The following MUSK variants were observed in gnomAD, a reference collection of about 807,000 sequenced individuals.
MUSK encodes muscle associated receptor tyrosine kinase.
A neutral mutation model predicts 88.7 loss-of-function variants in MUSK; 55 were observed. The observed-to-expected ratio is 0.62, with a 90% CI of 0.50 to 0.78. The LOEUF is 0.78. Among genes scored for constraint, MUSK ranks in the 30% least tolerant of loss-of-function variants. The pLI is 0.00. For synonymous variants in MUSK, 387 were observed against 391.9 expected, an observed-to-expected ratio of 0.99 and a Z score of 0.15; for missense variants, 1,015 against 1,074.3, an observed-to-expected ratio of 0.94 and a Z score of 0.77.
At chr9:110,730,444 A>C (rs540683568) in intron 5 of MUSK, among the ~76,000 whole-genome samples, 2 of 152,222 alleles carry the variant, frequency 1.3e-5, no homozygotes, top group African/African-American at 4.8e-5. Flanking sequence ...ACACTTTTAT[A>C]TTCTTTTATG....
chr9:110,777,231 T>TA (rs972397447), intron 11 of MUSK, among the ~76,000 whole-genome samples: 2 of 152,156 alleles, frequency 1.3e-5, no homozygotes, highest in African/African-American at 4.8e-5. Flanking sequence ...TTGTATCAGA[T>TA]AGTGCTTTAA....
chr9:110,689,695 A>AT (rs2076271181), intron 3 of MUSK, among the ~76,000 whole-genome samples: 1 of 48,132 alleles, frequency 2.1e-5, no homozygotes, highest in Non-Finnish European at 3.3e-5. Context: ...ATATATAGTT[A>AT]TATATAAATA....
At position 110,689,343 on chromosome 9, in the gene MUSK, T is replaced by C. The variant is rs2076252896; in HGVS notation, c.358+2075T>C. Among the ~76,000 whole-genome samples the C allele has an allele frequency of 4.3e-5, 5 of 117,532 alleles. 2 individuals carry two copies. The South Asian group carries it at 1.2e-3, about 29-fold the overall frequency. The allele number at this position is 117,532 out of a possible 152,430, so 77.1% of individuals were successfully genotyped here. A position where few individuals can be genotyped will look rare whatever the true frequency, so the allele number is the denominator to read the frequency against. Reference sequence around the variant, plus strand: ...TATTAAATATATATTTAAATATAAATATATAAATATATATAAATACATATT... The same window carrying C: ...TATTAAATATATATTTAAATATAAACATATAAATATATATAAATACATATT... On this transcript the variant is annotated intron_variant, in intron 3 of 14. Transcript: ENST00000374448.
intron 5 of MUSK, among the ~76,000 whole-genome samples, chr9:110,733,745 A>G (rs2076993388): frequency 6.6e-6 from 1 of 152,080 alleles, no homozygotes; most frequent in African/African-American, 2.4e-5. Context: ...CAGTCAACGA[A>G]AGGCAAGGCT....
intron 5 of MUSK, among the ~76,000 whole-genome samples, chr9:110,713,602 T>A (rs966735725): frequency 6.6e-6 from 1 of 152,106 alleles, no homozygotes; most frequent in Admixed American, 6.5e-5. Flanking sequence ...CCTAACATCC[T>A]GACAATGTGG....
chr9:110,761,955 T>C, intron 7 of MUSK: 1 of 982,218 alleles, frequency 1.0e-6, no homozygotes, highest in Non-Finnish European at 1.2e-6. Context: ...TGGTGGATGT[T>C]ACCCATGATT....
At chr9:110,752,730 G>C (rs1031726028) in intron 7 of MUSK, among the ~76,000 whole-genome samples, 1 of 152,178 alleles carries the variant, frequency 6.6e-6, no homozygotes, top group African/African-American at 2.4e-5. Flanking sequence ...TTAGGATTAT[G>C]TCTAATGATA....
chr9:110,742,062 T>C (rs73655613), intron 6 of MUSK, among the ~76,000 whole-genome samples: 2,296 of 152,270 alleles, frequency 0.015, 55 homozygotes, highest in African/African-American at 0.053. Context: ...TCAAGTGTCA[T>C]TTAAAATTTG....
At chr9:110,683,822 G>C (rs1476438890) in intron 2 of MUSK, among the ~76,000 whole-genome samples, 2 of 151,818 alleles carry the variant, frequency 1.3e-5, no homozygotes, top group African/African-American at 4.8e-5. Context: ...ATTTTTGATT[G>C]GATTAATATA....
At chr9:110,779,175 G>C (rs1367929934) in intron 11 of MUSK, among the ~76,000 whole-genome samples, 1 of 151,922 alleles carries the variant, frequency 6.6e-6, no homozygotes, top group East Asian at 1.9e-4. Context: ...TAGAAAATTG[G>C]AGTTTAAAGT....
chr9:110,728,659 T>C (rs1359589430), intron 5 of MUSK: 8 of 1,429,590 alleles, frequency 5.6e-6, no homozygotes, highest in Admixed American at 1.7e-5. Context: ...TTATTGTGTG[T>C]GTTTGTTTTG....
intron 5 of MUSK, among the ~76,000 whole-genome samples, chr9:110,730,608 T>G (rs1000136888): frequency 2.0e-5 from 3 of 152,096 alleles, no homozygotes; most frequent in Admixed American, 6.6e-5. Flanking sequence ...CCAAGTTTGT[T>G]ATTGCCGGTG....
At chr9:110,746,794 G>T (rs1219418356) in intron 6 of MUSK, among the ~76,000 whole-genome samples, 1 of 152,182 alleles carries the variant, frequency 6.6e-6, no homozygotes, top group Non-Finnish European at 1.5e-5. Flanking sequence ...TGTTTTCGGT[G>T]ACCTTGAGGT....
chr9:110,698,757 C>G (rs2076465166), intron 5 of MUSK, among the ~76,000 whole-genome samples: 1 of 152,028 alleles, frequency 6.6e-6, no homozygotes, highest in African/African-American at 2.4e-5. Context: ...CATCAAGTTG[C>G]TGTAATTTAA....
Position 110,747,715 on chromosome 9 carries a change from GCCAGGA to G in MUSK, c.830_835del (p.Pro277_Gly278del). On this transcript the variant is annotated inframe_deletion, in exon 7 of 15. Transcript: ENST00000374448. ...CAAGACTGCAGCTGTTTATCACCAA[GCCAGGA>G]CTCTACACATGCATAGCTACCAATA... 3.7e-6 allele frequency: 6 copies of G among 1,613,844 alleles called. No homozygotes were observed. Among genetic ancestry groups the G allele is most frequent in the Non-Finnish European group, 5.1e-6 (6 of 1,179,802 alleles).
At chr9:110,700,845 T>C (rs908412552) in intron 5 of MUSK, among the ~76,000 whole-genome samples, 1 of 152,184 alleles carries the variant, frequency 6.6e-6, no homozygotes, top group South Asian at 2.1e-4. Context: ...ACACCTGTTG[T>C]CCTGGAATCA....
Position 110,801,162 on chromosome 9 carries a change from C to A in MUSK, c.*174C>A. 2.0e-6 allele frequency: 1 copy of A among 500,740 alleles called. No individual in the cohort carries two copies. Among genetic ancestry groups the A allele is most frequent in the Non-Finnish European group, 3.3e-6 (1 of 300,280 alleles). The allele number at this position is 500,740 out of a possible 1,614,324, so 31.0% of individuals were successfully genotyped here. A position where few individuals can be genotyped will look rare whatever the true frequency, so the allele number is the denominator to read the frequency against. Reference sequence around the variant, plus strand: ...GACAGTGCAAAACCCATGTGGTAGACGGACCCATTGAAAGCCAGTGATTGG... The same window carrying A: ...GACAGTGCAAAACCCATGTGGTAGAAGGACCCATTGAAAGCCAGTGATTGG... On this transcript the variant is annotated 3_prime_UTR_variant, in exon 15 of 15. Coordinates refer to ENST00000374448, the MANE Select transcript of MUSK (RefSeq NM_005592.4).
At chr9:110,780,655 T>G (rs1167703557) in intron 11 of MUSK, among the ~76,000 whole-genome samples, 1 of 152,160 alleles carries the variant, frequency 6.6e-6, no homozygotes, top group Non-Finnish European at 1.5e-5. Context: ...TTTCTTTGGG[T>G]GGTTTATAGA....
At chr9:110,670,032 T>C (rs2075937401) in intron 1 of MUSK, among the ~76,000 whole-genome samples, 1 of 152,242 alleles carries the variant, frequency 6.6e-6, no homozygotes, top group Non-Finnish European at 1.5e-5. Flanking sequence ...CTAAAAATTC[T>C]GGAGCCATAA....
Sources: allele counts gnomAD v4.1 joint callset (sites outside exome capture counted in the v4.1 genomes callset), GRCh38; gene constraint gnomAD v4.1.1; transcripts MANE v1.5; gene names NCBI Gene and HGNC (gene_info 2026-07-23, HGNC 2026-07-21).